The following ARHGAP15 variants were observed in gnomAD, a reference collection of about 807,000 sequenced individuals.
The protein encoded by ARHGAP15 is Rho GTPase activating protein 15.
ARHGAP15 carries 51 observed loss-of-function variants against 63.7 expected under a neutral mutation model. That is an observed-to-expected ratio of 0.80 (90% CI 0.64 to 1.01). The LOEUF is 1.01. Among genes scored for constraint, ARHGAP15 ranks in the 50% least tolerant of loss-of-function variants. The pLI, the probability that ARHGAP15 is intolerant of heterozygous loss-of-function variation, is 0.00. For missense variants in ARHGAP15, 560 were observed against 564.6 expected, an observed-to-expected ratio of 0.99 and a Z score of 0.08; for synonymous variants, 191 against 193.8, an observed-to-expected ratio of 0.99 and a Z score of 0.12.
chr2:143,410,839 A>G (rs1246145530), intron 6 of ARHGAP15, among the ~76,000 whole-genome samples: 8 of 148,676 alleles, frequency 5.4e-5, no homozygotes, highest in African/African-American at 2.0e-4. Context: ...GAAAAAGTAT[A>G]GTTAGGTTTT....
chr2:143,334,531 C>T (rs1304540140), intron 6 of ARHGAP15, among the ~76,000 whole-genome samples: 3 of 152,000 alleles, frequency 2.0e-5, no homozygotes, highest in African/African-American at 7.3e-5. Context: ...CTGCGGTGTG[C>T]CAATGGTGAT....
At position 143,288,247 on chromosome 2, in the gene ARHGAP15, G is replaced by T. The variant is rs535779017; in HGVS notation, c.474+37647G>T. Reference sequence around the variant, plus strand: ...ATGTATGCACACTCAGTTCAGTCCTGTGCACATCCTACACTTCCGAATGCA... The same window carrying T: ...ATGTATGCACACTCAGTTCAGTCCTTTGCACATCCTACACTTCCGAATGCA... On this transcript the variant is annotated intron_variant, in intron 6 of 13. Coordinates refer to ENST00000295095, the MANE Select transcript of ARHGAP15 (RefSeq NM_018460.4). Among the ~76,000 whole-genome samples, 231 of 152,238 alleles carry T rather than the reference G, an allele frequency of 1.5e-3. 1 individual carries two copies. Among genetic ancestry groups the T allele is most frequent in the African/African-American group, 4.6e-3 (193 of 41,548 alleles).
At chr2:143,667,767 A>G (rs1010332418) in intron 12 of ARHGAP15, among the ~76,000 whole-genome samples, 2 of 151,890 alleles carry the variant, frequency 1.3e-5, no homozygotes, top group African/African-American at 4.8e-5. Context: ...GCCAAGGTGG[A>G]TTGCTTGAGC....
rs145502194 is a variant in ARHGAP15, at chr2:143,224,730, A to G, written c.297-3851A>G. On this transcript the variant is annotated intron_variant, in intron 4 of 13. Coordinates refer to ENST00000295095, the MANE Select transcript of ARHGAP15 (RefSeq NM_018460.4). Reference sequence around the variant, plus strand: ...CTTAAGTCAAGGTAAAACCTTGCCAAGTGATCCTTTGCACACTCCAGAGCT... The same window carrying G: ...CTTAAGTCAAGGTAAAACCTTGCCAGGTGATCCTTTGCACACTCCAGAGCT... Among the ~76,000 whole-genome samples, 6 of 152,314 alleles carry G rather than the reference A, an allele frequency of 3.9e-5. No individual in the cohort carries two copies. The East Asian group carries it at 1.2e-3, about 29-fold the overall frequency.
chr2:143,630,432 A>T (rs1559090424), intron 12 of ARHGAP15, among the ~76,000 whole-genome samples: 1 of 152,116 alleles, frequency 6.6e-6, no homozygotes, highest in Admixed American at 6.6e-5. Context: ...CTTACAGAAG[A>T]AGTTAGGATG....
intron 10 of ARHGAP15, among the ~76,000 whole-genome samples, chr2:143,520,922 A>C (rs1694037767): frequency 6.6e-6 from 1 of 152,136 alleles, no homozygotes; most frequent in Admixed American, 6.6e-5. Context: ...AAAACGAAAA[A>C]CTGCTAGATG....
intron 8 of ARHGAP15, among the ~76,000 whole-genome samples, chr2:143,459,796 G>T (rs547847893): frequency 2.6e-5 from 4 of 152,200 alleles, no homozygotes; most frequent in African/African-American, 9.6e-5. Context: ...AAAAATCATG[G>T]TGTATCCCTA....
At chr2:143,735,372 T>C (rs975258524) in intron 13 of ARHGAP15, among the ~76,000 whole-genome samples, 1 of 152,180 alleles carries the variant, frequency 6.6e-6, no homozygotes, top group South Asian at 2.1e-4. Context: ...CTAGATTCAA[T>C]TGCCAAAGGG....
chr2:143,208,675 A>C (rs1692446040), intron 3 of ARHGAP15, among the ~76,000 whole-genome samples: 1 of 152,154 alleles, frequency 6.6e-6, no homozygotes, highest in East Asian at 1.9e-4. Context: ...TGAATCATCA[A>C]ATATATCAAT....
chr2:143,187,698 C>A (rs1210569493), intron 2 of ARHGAP15, among the ~76,000 whole-genome samples: 1 of 152,110 alleles, frequency 6.6e-6, no homozygotes, highest in Non-Finnish European at 1.5e-5. Flanking sequence ...GAAAATTATT[C>A]TCTGCTGAAT....
At chr2:143,385,238 T>A (rs1179543781) in intron 6 of ARHGAP15, among the ~76,000 whole-genome samples, 1 of 152,068 alleles carries the variant, frequency 6.6e-6, no homozygotes, top group Non-Finnish European at 1.5e-5. Context: ...TTATTTACAA[T>A]GATTGAGAAC....
At chr2:143,630,001 A>C (rs1019775586) in intron 12 of ARHGAP15, among the ~76,000 whole-genome samples, 42 of 152,162 alleles carry the variant, frequency 2.8e-4, no homozygotes, top group African/African-American at 9.6e-4. Flanking sequence ...AGCAATAGCT[A>C]TTGCCAAGTA....
chr2:143,446,453 T>C (rs1214887621), intron 8 of ARHGAP15, among the ~76,000 whole-genome samples: 1 of 152,134 alleles, frequency 6.6e-6, no homozygotes, highest in Non-Finnish European at 1.5e-5. Context: ...GCTTAATTTC[T>C]TAATATCTTC....
chr2:143,199,666 A>T (rs6726717), intron 2 of ARHGAP15, among the ~76,000 whole-genome samples: 25,567 of 151,940 alleles, frequency 0.17, 2,335 homozygotes, highest in Middle Eastern at 0.24. Context: ...ACATCCCTTG[A>T]TCTGAACTAG....
chr2:143,751,603 T>G (rs1385714197), intron 13 of ARHGAP15, among the ~76,000 whole-genome samples: 1 of 152,154 alleles, frequency 6.6e-6, no homozygotes, highest in African/African-American at 2.4e-5. Flanking sequence ...GCTCATTGTC[T>G]CCATCCTCCA....
chr2:143,334,210 A>G (rs985457188), intron 6 of ARHGAP15, among the ~76,000 whole-genome samples: 1 of 152,142 alleles, frequency 6.6e-6, no homozygotes, highest in African/African-American at 2.4e-5. Context: ...ACAATCACAG[A>G]TCTCTCTAAT....
At chr2:143,703,390 CT>C (rs773005104) in intron 12 of ARHGAP15, 28 bp from the exon 13 acceptor site, 2 of 1,581,380 alleles carry the variant, frequency 1.3e-6, no homozygotes, top group Non-Finnish European at 1.7e-6. Flanking sequence ...TGTTTTTTCC[CT>C]AACCTTCCTT....
chr2:143,623,297 G>A (rs918736407), intron 11 of ARHGAP15, among the ~76,000 whole-genome samples: 3 of 152,092 alleles, frequency 2.0e-5, no homozygotes, highest in Non-Finnish European at 4.4e-5. Context: ...ATTGCCCAGC[G>A]CACTTTATTT....
chr2:143,487,214 T>G (rs1013897741), intron 8 of ARHGAP15, 159 bp from the exon 9 acceptor site: 1 of 747,126 alleles, frequency 1.3e-6, no homozygotes, highest in South Asian at 2.2e-5. Context: ...TACTTTCATG[T>G]GGGCAAATTT....
Sources: allele counts gnomAD v4.1 joint callset (sites outside exome capture counted in the v4.1 genomes callset), GRCh38; gene constraint gnomAD v4.1.1; transcripts MANE v1.5; gene names NCBI Gene and HGNC (gene_info 2026-07-23, HGNC 2026-07-21).